The following USH2A variants were observed in gnomAD, a reference collection of about 807,000 sequenced individuals.
USH2A encodes the protein usherin, also known as Usher syndrome 2A (autosomal recessive, mild).
USH2A carries 443 observed loss-of-function variants against 538.9 expected under a neutral mutation model. That is an observed-to-expected ratio of 0.82 (90% confidence interval 0.76 to 0.89). The LOEUF (loss-of-function observed/expected upper bound fraction) is 0.89, where lower values mean the gene tolerates loss of function less well. USH2A is among the 40% of genes least tolerant of loss of function. The pLI is 0.00. For missense variants in USH2A, 6,633 were observed against 6,324.8 expected (o/e 1.05, Z -1.65); for synonymous variants, 2,413 against 2,273.5 (o/e 1.06, Z -1.75).
chr1:216,198,596 A>C lies in USH2A; in HGVS notation c.3812-12T>G. The C allele has an allele frequency of 6.2e-7, 1 of 1,609,298 alleles. No homozygotes were observed. The highest frequency in any genetic ancestry group is 1.7e-4 in the Middle Eastern group (1 of 5,954). On this transcript the variant is annotated splice_polypyrimidine_tract_variant and intron_variant, in intron 17 of 71. Transcript: ENST00000307340. ...TCTTATAATTATTCCTAGAGAAATT[A>C]AATAGTGAACCTACGTAACTCATCA...
At chr1:216,003,273 C>T (rs147696726) in intron 32 of USH2A, among the ~76,000 whole-genome samples, 1 of 151,986 alleles carries the variant, frequency 6.6e-6, no homozygotes, top group Non-Finnish European at 1.5e-5. Flanking sequence ...TAGGGTTTGC[C>T]TCTAGATTAT....
intron 15 of USH2A, among the ~76,000 whole-genome samples, chr1:216,216,293 T>C (rs1271150305): frequency 1.3e-5 from 2 of 152,114 alleles, no homozygotes; most frequent in Non-Finnish European, 2.9e-5. Flanking sequence ...GAGGGACTGA[T>C]GAAATGCGGG....
At chr1:215,993,870 T>A (rs934090408) in intron 34 of USH2A, among the ~76,000 whole-genome samples, 1 of 152,094 alleles carries the variant, frequency 6.6e-6, no homozygotes, top group Non-Finnish European at 1.5e-5. Context: ...TAATTAAGTA[T>A]CACTAATGTC....
chr1:215,737,316 C>T (rs987861307), intron 60 of USH2A, among the ~76,000 whole-genome samples: 2 of 151,754 alleles, frequency 1.3e-5, no homozygotes, highest in Admixed American at 1.3e-4. Context: ...ATGAGTAAAT[C>T]ATAAGAATGA....
intron 12 of USH2A, 90 bp from the exon 13 acceptor site, chr1:216,247,316 C>T (rs550405943): frequency 1.3e-5 from 19 of 1,505,704 alleles, no homozygotes; most frequent in African/African-American, 2.8e-5. Context: ...GCAGATGATA[C>T]GAACACAAAA....
At chr1:216,001,491 A>G (rs185108099) in intron 32 of USH2A, among the ~76,000 whole-genome samples, 1 of 152,236 alleles carries the variant, frequency 6.6e-6, no homozygotes, top group East Asian at 1.9e-4. Flanking sequence ...ATACTAACTC[A>G]ATTCTGAAAT....
In USH2A at chr1:216,216,980, C is replaced by A. The variant is rs1279397893; in HGVS notation, c.3157+407G>T. Among the ~76,000 whole-genome samples the A allele has an allele frequency of 2.0e-5, 3 of 151,954 alleles. No homozygotes were observed. In the East Asian group the frequency reaches 5.8e-4, roughly 29 times the overall value. ...AAACATATAATAAACAAGAATTCAC[C>A]CTTTATTTGTCAAAAAAAAATAACT... On this transcript the variant is annotated intron_variant, in intron 15 of 71. Coordinates refer to ENST00000307340, the MANE Select transcript of USH2A (RefSeq NM_206933.4).
chr1:216,364,366 A>C (rs970888618), intron 4 of USH2A, among the ~76,000 whole-genome samples: 1 of 152,186 alleles, frequency 6.6e-6, no homozygotes. Context: ...TTACTTAAAA[A>C]CTGATCAGAA....
chr1:215,798,612 G>T (rs1207795619), intron 50 of USH2A, among the ~76,000 whole-genome samples: 1 of 151,988 alleles, frequency 6.6e-6, no homozygotes, highest in African/African-American at 2.4e-5. Flanking sequence ...TATACTATTT[G>T]CTAGGAAATA....
intron 58 of USH2A, among the ~76,000 whole-genome samples, chr1:215,756,900 G>A (rs976634846): frequency 6.6e-6 from 1 of 151,538 alleles, no homozygotes. Context: ...GTGACAGAGA[G>A]AGAGACCCGG....
intron 40 of USH2A, among the ~76,000 whole-genome samples, chr1:215,895,882 T>G (rs930089462): frequency 6.6e-6 from 1 of 152,208 alleles, no homozygotes; most frequent in African/African-American, 2.4e-5. Context: ...TTGTGTGGTA[T>G]AGCCTGTTGC....
chr1:215,720,093 G>A (rs913117908), intron 61 of USH2A, among the ~76,000 whole-genome samples: 17 of 152,150 alleles, frequency 1.1e-4, no homozygotes, highest in African/African-American at 4.1e-4. Flanking sequence ...ATCACTGCAT[G>A]ACTTATGGAA....
At chr1:215,797,408 T>G (rs1296103077) in intron 50 of USH2A, among the ~76,000 whole-genome samples, 1 of 152,160 alleles carries the variant, frequency 6.6e-6, no homozygotes, top group Non-Finnish European at 1.5e-5. Context: ...TGAAATAGCC[T>G]TGTACTGGAA....
chr1:215,884,065 T>C (rs1324607535), intron 41 of USH2A, among the ~76,000 whole-genome samples: 1 of 151,938 alleles, frequency 6.6e-6, no homozygotes, highest in Non-Finnish European at 1.5e-5. Context: ...CTGGGGCCTG[T>C]CAAGGGGTGG....
intron 44 of USH2A, among the ~76,000 whole-genome samples, chr1:215,863,386 A>C (rs1429640341): frequency 1.3e-5 from 2 of 152,210 alleles, no homozygotes; most frequent in Non-Finnish European, 2.9e-5. Flanking sequence ...GGTGCTTTTT[A>C]GAAGAGATGA....
intron 36 of USH2A, among the ~76,000 whole-genome samples, chr1:215,967,606 A>G (rs1667382553): frequency 6.6e-6 from 1 of 152,188 alleles, no homozygotes. Context: ...TTGTAGAATA[A>G]GTATATCTCC....
intron 44 of USH2A, among the ~76,000 whole-genome samples, chr1:215,846,303 C>T (rs1663845290): frequency 1.3e-5 from 2 of 152,128 alleles, no homozygotes; most frequent in Admixed American, 1.3e-4. Context: ...GCCTTGATGT[C>T]TTGGGCTCAA....
chr1:215,709,456 A>C (rs1462846225), intron 61 of USH2A, among the ~76,000 whole-genome samples: 1 of 152,138 alleles, frequency 6.6e-6, no homozygotes, highest in Non-Finnish European at 1.5e-5. Flanking sequence ...TTCCTTCAGC[A>C]AACCTATTAT....
At chr1:216,147,459 G>C (rs1179534806) in intron 21 of USH2A, among the ~76,000 whole-genome samples, 5 of 151,968 alleles carry the variant, frequency 3.3e-5, no homozygotes, top group East Asian at 1.9e-4. Context: ...CGTTTAGGCT[G>C]TTTTTCATCA....
Sources: allele counts gnomAD v4.1 joint callset (sites outside exome capture counted in the v4.1 genomes callset), GRCh38; gene constraint gnomAD v4.1.1; transcripts MANE v1.5; gene names NCBI Gene and HGNC (gene_info 2026-07-23, HGNC 2026-07-21).